JARID2: variants seen among roughly 807,000 people sequenced by gnomAD.
JARID2 encodes the protein jumonji and AT-rich interaction domain containing 2, also known as protein Jumonji.
JARID2 carries 21 observed loss-of-function variants against 125.6 expected under a neutral mutation model. The ratio of observed to expected loss-of-function variants is 0.17; its 90% CI spans 0.12 to 0.24. The LOEUF (loss-of-function observed/expected upper bound fraction) is 0.24, where lower values mean the gene tolerates loss of function less well. JARID2 is among the 10% of genes least tolerant of loss of function. JARID2 has a pLI of 1.00. For synonymous variants in JARID2, 736 were observed against 661.6 expected (o/e 1.11, Z -1.73); for missense variants, 1,303 against 1,639.6 (o/e 0.79, Z 3.55).
At chr6:15,415,289 C>A (rs963041378) in intron 3 of JARID2, among the ~76,000 whole-genome samples, 11 of 152,266 alleles carry the variant, frequency 7.2e-5, no homozygotes, top group African/African-American at 2.7e-4. Context: ...TTCCACAAAA[C>A]CGCCATTGTC....
intron 1 of JARID2, among the ~76,000 whole-genome samples, chr6:15,286,063 C>T (rs1264859660): frequency 6.6e-6 from 1 of 151,922 alleles, no homozygotes; most frequent in Non-Finnish European, 1.5e-5. Context: ...TGTTTGTTTC[C>T]TGAGTCTCAC....
intron 6 of JARID2, among the ~76,000 whole-genome samples, chr6:15,492,563 G>A (rs1205747329): frequency 1.3e-5 from 2 of 152,182 alleles, no homozygotes; most frequent in Admixed American, 1.3e-4. Flanking sequence ...CCAGGAAAAG[G>A]GGTGTCCTTT....
At chr6:15,388,745 T>G (rs1228507018) in intron 2 of JARID2, among the ~76,000 whole-genome samples, 1 of 152,116 alleles carries the variant, frequency 6.6e-6, no homozygotes, top group African/African-American at 2.4e-5. Flanking sequence ...CTGTCTCTTG[T>G]GTTTCATGGT....
intron 1 of JARID2, among the ~76,000 whole-genome samples, chr6:15,277,544 C>T (rs576121963): frequency 6.6e-6 from 1 of 152,126 alleles, no homozygotes; most frequent in Non-Finnish European, 1.5e-5. Flanking sequence ...GGGTTGTAGG[C>T]CAGTCTCTTT....
chr6:15,477,504 G>GTTTTTT (rs56055395), intron 5 of JARID2, among the ~76,000 whole-genome samples: 1 of 137,436 alleles, frequency 7.3e-6, no homozygotes, highest in Non-Finnish European at 1.6e-5. Context: ...GGGAGTGTTG[G>GTTTTTT]TTTTTTTTTT....
At chr6:15,492,120 T>C (rs1394252100) in intron 6 of JARID2, among the ~76,000 whole-genome samples, 1 of 151,880 alleles carries the variant, frequency 6.6e-6, no homozygotes, top group African/African-American at 2.4e-5. Context: ...CGGATGGCTG[T>C]GGGCCAAGGA....
chr6:15,248,203 C>G, intron 1 of JARID2: 1 of 566,834 alleles, frequency 1.8e-6, no homozygotes, highest in African/African-American at 2.0e-5. Flanking sequence ...TCCCGACGTC[C>G]TCGAGCCGGC....
intron 1 of JARID2, among the ~76,000 whole-genome samples, chr6:15,311,542 T>C (rs1247091629): frequency 6.6e-6 from 1 of 152,124 alleles, no homozygotes; most frequent in Non-Finnish European, 1.5e-5. Flanking sequence ...CGCGCCATTG[T>C]ACTCCAGCCT....
intron 1 of JARID2, among the ~76,000 whole-genome samples, chr6:15,332,185 T>C (rs1762732534): frequency 6.6e-6 from 1 of 152,264 alleles, no homozygotes. Context: ...TAGAATTTTA[T>C]GCAGAAACAA....
chr6:15,349,639 A>C (rs755704545), intron 1 of JARID2, among the ~76,000 whole-genome samples: 1 of 152,138 alleles, frequency 6.6e-6, no homozygotes, highest in African/African-American at 2.4e-5. Context: ...TGAAGAAAAA[A>C]GGAAGGGATT....
intron 1 of JARID2, among the ~76,000 whole-genome samples, chr6:15,283,430 T>C (rs1189635383): frequency 6.8e-6 from 1 of 146,462 alleles, no homozygotes; most frequent in African/African-American, 2.6e-5. Flanking sequence ...AAGCTCCACC[T>C]CCTGGGTTCA....
At chr6:15,390,951 T>C (rs527638102) in intron 2 of JARID2, among the ~76,000 whole-genome samples, 18 of 152,334 alleles carry the variant, frequency 1.2e-4, no homozygotes, top group African/African-American at 4.3e-4. Flanking sequence ...ATACTAATTT[T>C]TTTTCCTCAG....
At chr6:15,452,669 C>G (rs1767971934) in intron 4 of JARID2, among the ~76,000 whole-genome samples, 1 of 152,182 alleles carries the variant, frequency 6.6e-6, no homozygotes, top group South Asian at 2.1e-4. Flanking sequence ...CTTTCAGAGT[C>G]TAATTGACAG....
At chr6:15,471,296 TAA>T (rs1322009512) in intron 5 of JARID2, among the ~76,000 whole-genome samples, 1 of 152,236 alleles carries the variant, frequency 6.6e-6, no homozygotes, top group African/African-American at 2.4e-5. Flanking sequence ...CCTGAATAAG[TAA>T]AGTTTTTGAA....
At chr6:15,492,937 TC>T (rs1162545524) in intron 6 of JARID2, among the ~76,000 whole-genome samples, 5 of 152,286 alleles carry the variant, frequency 3.3e-5, no homozygotes, top group African/African-American at 1.2e-4. Context: ...GCAACTCATT[TC>T]TCTCATAAAG....
intron 1 of JARID2, among the ~76,000 whole-genome samples, chr6:15,345,441 G>T (rs1030780199): frequency 1.3e-5 from 2 of 152,104 alleles, no homozygotes; most frequent in Non-Finnish European, 2.9e-5. Flanking sequence ...TCTGGAGCTC[G>T]AGCTTACTCA....
intron 2 of JARID2, among the ~76,000 whole-genome samples, chr6:15,393,319 A>G (rs1765095157): frequency 6.6e-6 from 1 of 152,204 alleles, no homozygotes; most frequent in African/African-American, 2.4e-5. Flanking sequence ...CAGCCTAGCA[A>G]TTTATTGCTG....
At position 15,433,410 on chromosome 6, in the gene JARID2, CTGTGTGTGTG is replaced by C. The variant is rs57296791; in HGVS notation, c.324-18564_324-18555del. Among the ~76,000 whole-genome samples, 1,009 of 143,514 alleles carry C rather than the reference CTGTGTGTGTG, an allele frequency of 7.0e-3. 4 individuals carry two copies. Among genetic ancestry groups the C allele is most frequent in the Admixed American group, 0.014 (195 of 14,372 alleles). 94.2% of individuals were successfully genotyped at this position (143,514 alleles called of 152,430 possible). On this transcript the variant is annotated intron_variant, in intron 3 of 17. Transcript: ENST00000341776. The stretch of plus-strand genomic sequence containing the variant: ...CCTCCTCCCCAACCCCCATGTCTCT[CTGTGTGTGTG>C]TGTGTGTGTGTGTGTGTGTGTGTGT...
intron 1 of JARID2, among the ~76,000 whole-genome samples, chr6:15,344,474 C>T (rs1391802324): frequency 2.0e-5 from 3 of 151,446 alleles, no homozygotes; most frequent in South Asian, 2.1e-4. Context: ...AAAAAACCAA[C>T]GCAGCTGTAT....
Sources: allele counts gnomAD v4.1 joint callset (sites outside exome capture counted in the v4.1 genomes callset), GRCh38; gene constraint gnomAD v4.1.1; transcripts MANE v1.5; gene names NCBI Gene and HGNC (gene_info 2026-07-23, HGNC 2026-07-21).